IARS2: variants seen among roughly 807,000 people sequenced by gnomAD.
IARS2 encodes isoleucyl-tRNA synthetase 2, mitochondrial, also known as isoleucine--tRNA ligase, mitochondrial.
A neutral mutation model predicts 126.3 loss-of-function variants in IARS2; 56 were observed. The ratio of observed to expected loss-of-function variants is 0.44; its 90% CI spans 0.36 to 0.55. The LOEUF (loss-of-function observed/expected upper bound fraction) is 0.55. Among genes scored for constraint, IARS2 ranks in the 20% least tolerant of loss-of-function variants. IARS2 has a pLI of 0.00. For synonymous variants in IARS2, 407 were observed against 441.1 expected, an observed-to-expected ratio of 0.92 and a Z score of 0.97; for missense variants, 1,127 against 1,245.9, an observed-to-expected ratio of 0.90 and a Z score of 1.44.
At chr1:220,112,752 T>C (rs1212060714) in intron 11 of IARS2, among the ~76,000 whole-genome samples, 1 of 151,772 alleles carries the variant, frequency 6.6e-6, no homozygotes, top group Non-Finnish European at 1.5e-5. Flanking sequence ...AGAGATAGGG[T>C]TTTGTCAAGT....
chr1:220,110,506 T>C (rs754044253), intron 10 of IARS2, among the ~76,000 whole-genome samples: 106 of 152,108 alleles, frequency 7.0e-4, no homozygotes, highest in Admixed American at 5.2e-4. Context: ...GCTGGGATTA[T>C]GGGCACACAC....
chr1:220,145,117 C>A (rs980013975), intron 21 of IARS2, among the ~76,000 whole-genome samples: 6 of 151,302 alleles, frequency 4.0e-5, no homozygotes, highest in African/African-American at 1.5e-4. Context: ...GGCTGACAGA[C>A]CTGGGCTTGA....
At chr1:220,131,933 G>C (rs7549450) in intron 14 of IARS2, among the ~76,000 whole-genome samples, 22,309 of 151,504 alleles carry the variant, frequency 0.15, 2,020 homozygotes, top group Admixed American at 0.22. Flanking sequence ...GAGTAGCTGC[G>C]ACTACAGGCA....
At chr1:220,146,574 T>C (rs1474054565) in intron 22 of IARS2, among the ~76,000 whole-genome samples, 1 of 150,618 alleles carries the variant, frequency 6.6e-6, no homozygotes, top group Non-Finnish European at 1.5e-5. Flanking sequence ...TTTTCATAGC[T>C]TTTGGGTACC....
chr1:220,123,356 C>T (rs1378363127), intron 12 of IARS2, among the ~76,000 whole-genome samples: 1 of 152,066 alleles, frequency 6.6e-6, no homozygotes, highest in Non-Finnish European at 1.5e-5. Flanking sequence ...ATTATAAGTT[C>T]TTCAAAGTAC....
intron 8 of IARS2, among the ~76,000 whole-genome samples, chr1:220,104,449 T>C (rs1439175851): frequency 6.6e-6 from 1 of 152,004 alleles, no homozygotes; most frequent in African/African-American, 2.4e-5. Flanking sequence ...AGTGGTGCCA[T>C]CTTGGCTCAC....
intron 14 of IARS2, among the ~76,000 whole-genome samples, chr1:220,133,555 T>C (rs1008542240): frequency 7.2e-5 from 11 of 152,358 alleles, no homozygotes; most frequent in African/African-American, 2.6e-4. Flanking sequence ...GGACAAATCA[T>C]AATTTTACAA....
At chr1:220,097,059 A>T (rs917400502) in intron 2 of IARS2, among the ~76,000 whole-genome samples, 5 of 152,030 alleles carry the variant, frequency 3.3e-5, no homozygotes, top group Non-Finnish European at 7.4e-5. Context: ...AAAAAAAAAA[A>T]ATCATGTTTT....
intron 16 of IARS2, 102 bp downstream of exon 16, chr1:220,137,013 CTT>C: frequency 1.6e-6 from 1 of 622,032 alleles, no homozygotes; most frequent in Non-Finnish European, 2.8e-6. Context: ...TAAAAACTAT[CTT>C]TTATACTCTC....
At chr1:220,144,274 A>G in intron 21 of IARS2, 1 of 763,626 alleles carries the variant, frequency 1.3e-6, no homozygotes, top group South Asian at 1.3e-5. Flanking sequence ...CGGCCTAATA[A>G]GCACCTGGCT....
In IARS2 at chr1:220,134,399, G is replaced by C; in HGVS notation, c.1838-3G>C. 6.4e-7 allele frequency: 1 copy of C among 1,554,010 alleles called. No homozygotes were observed. The highest frequency in any genetic ancestry group is 8.7e-7 in the Non-Finnish European group (1 of 1,155,302). The stretch of plus-strand genomic sequence containing the variant: ...TTTTTTTCTTTTAATACTTAATTTT[G>C]AGGTCCTGACCAAAGAGCAGATTTG... On this transcript the variant is annotated splice_polypyrimidine_tract_variant and splice_region_variant and intron_variant, in intron 14 of 22. Coordinates refer to ENST00000366922, the MANE Select transcript of IARS2 (RefSeq NM_018060.4).
chr1:220,104,726 G>A (rs1039205078), intron 8 of IARS2, among the ~76,000 whole-genome samples: 3 of 151,960 alleles, frequency 2.0e-5, no homozygotes, highest in African/African-American at 7.3e-5. Flanking sequence ...AAGAGATGAG[G>A]TCTCACTATG....
chr1:220,125,817 T>TA (rs1467067138), intron 13 of IARS2, among the ~76,000 whole-genome samples: 1 of 151,512 alleles, frequency 6.6e-6, no homozygotes, highest in Non-Finnish European at 1.5e-5. Context: ...AAACAAAGTG[T>TA]ATTATTAGGT....
At chr1:220,121,889 T>G (rs1340764122) in intron 12 of IARS2, among the ~76,000 whole-genome samples, 1 of 152,140 alleles carries the variant, frequency 6.6e-6, no homozygotes, top group Non-Finnish European at 1.5e-5. Flanking sequence ...GCCAGGCATT[T>G]GAGACCAGCC....
intron 2 of IARS2, among the ~76,000 whole-genome samples, chr1:220,098,356 A>G (rs879743991): frequency 1.6e-4 from 25 of 152,196 alleles, no homozygotes; most frequent in Non-Finnish European, 1.6e-4. Flanking sequence ...ATGCATCACC[A>G]GAATATTCAC....
At chr1:220,134,255 C>T (rs1013418528) in intron 14 of IARS2, 147 bp from the exon 15 acceptor site, 16 of 560,402 alleles carry the variant, frequency 2.9e-5, no homozygotes, top group Admixed American at 6.9e-5. Context: ...TGGTCACTTT[C>T]TTGGTTAAGG....
chr1:220,140,455 T>A (rs1379683316), intron 19 of IARS2, among the ~76,000 whole-genome samples, 166 bp downstream of exon 19: 1 of 151,730 alleles, frequency 6.6e-6, no homozygotes, highest in East Asian at 2.0e-4. Context: ...GGCACATGCC[T>A]GTAATCCGAG....
At chr1:220,094,531 CCGCGGGCACCGGGCGCT>C (rs770369316) in intron 1 of IARS2, 48 bp downstream of exon 1, 1 of 1,471,772 alleles carries the variant, frequency 6.8e-7, no homozygotes, top group African/African-American at 1.4e-5. Flanking sequence ...CCCGATCCGG[CCGCGGGCACCGGGCGCT>C]CGCAGGCGCC....
At chr1:220,100,445 C>A (rs754129616) in intron 2 of IARS2, 45 bp from the exon 3 acceptor site, 2 of 1,439,642 alleles carry the variant, frequency 1.4e-6, no homozygotes, top group Non-Finnish European at 1.9e-6. Flanking sequence ...AATACATGGC[C>A]AAATATTTTA....
Sources: gnomAD v4.1 joint callset for allele counts (sites outside exome capture counted in the v4.1 genomes callset) on GRCh38, gnomAD v4.1.1 for gene constraint, MANE v1.5 for transcripts, NCBI Gene and HGNC (gene_info 2026-07-23, HGNC 2026-07-21) for gene names.